PHKB: variants seen among roughly 807,000 people sequenced by gnomAD.
PHKB encodes phosphorylase b kinase regulatory subunit beta.
Under a neutral mutation model 152.1 loss-of-function variants are expected in PHKB, and 122 were observed. The ratio of observed to expected loss-of-function variants is 0.80; its 90% CI spans 0.69 to 0.93. The LOEUF (loss-of-function observed/expected upper bound fraction) is 0.93, where lower values mean the gene tolerates loss of function less well. Ranked by LOEUF, PHKB falls within the 40% of genes least tolerant of loss-of-function variation. The pLI is 0.00. For synonymous variants in PHKB, 436 were observed against 464.9 expected (o/e 0.94, Z 0.80); for missense variants, 1,304 against 1,328.4 (o/e 0.98, Z 0.29).
intron 7 of PHKB, chr16:47,565,659 G>T: frequency 8.1e-7 from 1 of 1,227,986 alleles, no homozygotes; most frequent in South Asian, 1.2e-5. Context: ...TCCTGTCCTC[G>T]ACCATCCCTG....
intron 8 of PHKB, among the ~76,000 whole-genome samples, chr16:47,581,456 G>C (rs554491682): frequency 1.4e-4 from 22 of 152,210 alleles, no homozygotes; most frequent in Non-Finnish European, 2.2e-4. Context: ...TTAAAGAATG[G>C]CATTATATTA....
chr16:47,669,153 T>A (rs1973590912), intron 25 of PHKB, 62 bp from the exon 26 acceptor site: 3 of 1,319,406 alleles, frequency 2.3e-6, no homozygotes, highest in Non-Finnish European at 3.3e-6. Context: ...GCCTTGATTT[T>A]TTTTTAATTT....
chr16:47,461,395 C>T lies in PHKB; in HGVS notation c.45C>T (p.Val15=), dbSNP rs573650598. Residue 15 remains valine, a synonymous_variant, in exon 1 of 31, where the codon GTC becomes GTT. Transcript: ENST00000323584. ...TCACGGCAGAAGTGAGCTGGAAGGTCTTGGAGCGAAGAGCTCGGACCAAGC... is the reference window on the plus strand; with the variant it reads ...TCACGGCAGAAGTGAGCTGGAAGGTTTTGGAGCGAAGAGCTCGGACCAAGC... ...AGLTAEVSWK[V]LERRARTKRS... is the part of the protein sequence containing the mutation. 26 of 1,613,232 alleles carry T rather than the reference C, an allele frequency of 1.6e-5. No individual in the cohort carries two copies. The South Asian group carries it at 2.5e-4, about 16-fold the overall frequency.
rs1408977143 is a variant in PHKB, at chr16:47,588,917, GCCCTGC to G, written c.884_889del (p.Ala295_Leu297delinsVal). ...TCATTGCCTCCAGAATACAGATGCTGCCCTGCTCCCCTGCATCAGTTATCCTGCATT... is the reference window on the plus strand; with the variant it reads ...TCATTGCCTCCAGAATACAGATGCTGTCCCCTGCATCAGTTATCCTGCATT... On this transcript the variant is annotated inframe_deletion, in exon 10 of 31. Coordinates refer to ENST00000323584, the MANE Select transcript of PHKB (RefSeq NM_000293.3). 3 of 1,613,618 alleles carry G rather than the reference GCCCTGC, an allele frequency of 1.9e-6. No homozygotes were observed. Among genetic ancestry groups the G allele is most frequent in the Non-Finnish European group, 2.5e-6 (3 of 1,179,650 alleles).
chr16:47,624,157 A>C lies in PHKB; in HGVS notation c.1458+13237A>C, dbSNP rs1396907640. On this transcript the variant is annotated intron_variant, in intron 14 of 30. Transcript: ENST00000323584. ...GTTCTCCTCATTTATTTCTGTGAGCATCTTTATTGTTTCCCCAACCTTATT... is the reference window on the plus strand; with the variant it reads ...GTTCTCCTCATTTATTTCTGTGAGCCTCTTTATTGTTTCCCCAACCTTATT... 3.3e-5 allele frequency among the ~76,000 whole-genome samples: 5 copies of C among 152,164 alleles called. No homozygotes were observed. The East Asian group carries it at 7.7e-4, about 23-fold the overall frequency.
intron 14 of PHKB, among the ~76,000 whole-genome samples, chr16:47,617,258 TA>T (rs2151712725): frequency 6.8e-6 from 1 of 148,040 alleles, no homozygotes; most frequent in African/African-American, 2.4e-5. Flanking sequence ...TATTTATATA[TA>T]ATATAAATTT....
In PHKB at chr16:47,680,585, GT is replaced by G. The variant is rs1414917243; in HGVS notation, c.2631-8453del. Among the ~76,000 whole-genome samples, 2 of 152,150 alleles carry G rather than the reference GT, an allele frequency of 1.3e-5. 1 individual carries two copies. Among genetic ancestry groups the G allele is most frequent in the Non-Finnish European group, 2.9e-5 (2 of 68,036 alleles). ...GTGTTTATAGTATTCTCTGATGGTAGTTTGTATTTCTGTGGGATCGGTGGTG... is the reference window on the plus strand; with the variant it reads ...GTGTTTATAGTATTCTCTGATGGTAGTTGTATTTCTGTGGGATCGGTGGTG... On this transcript the variant is annotated intron_variant, in intron 26 of 30. Transcript: ENST00000323584.
At chr16:47,691,688 G>T (rs1238505435) in intron 27 of PHKB, among the ~76,000 whole-genome samples, 1 of 148,998 alleles carries the variant, frequency 6.7e-6, no homozygotes, top group African/African-American at 2.5e-5. Context: ...CAGTGATAGA[G>T]TCAGATCCTG....
At chr16:47,696,734 G>A (rs1974155257) in intron 29 of PHKB, among the ~76,000 whole-genome samples, 1 of 152,140 alleles carries the variant, frequency 6.6e-6, no homozygotes, top group Admixed American at 6.5e-5. Context: ...GCTCCTCCAG[G>A]AAGGGAGAAC....
intron 7 of PHKB, among the ~76,000 whole-genome samples, chr16:47,555,352 C>T (rs948993983): frequency 6.6e-6 from 1 of 152,174 alleles, no homozygotes; most frequent in African/African-American, 2.4e-5. Context: ...TGTTAATGAA[C>T]AGAAGATTGT....
intron 23 of PHKB, 121 bp downstream of exon 23, chr16:47,661,921 T>C: frequency 1.3e-6 from 1 of 743,256 alleles, no homozygotes; most frequent in Non-Finnish European, 2.4e-6. Flanking sequence ...TTAAACCTTC[T>C]TTTTCACTTT....
intron 7 of PHKB, among the ~76,000 whole-genome samples, chr16:47,574,402 A>G (rs773736571): frequency 9.2e-5 from 14 of 152,166 alleles, no homozygotes; most frequent in Non-Finnish European, 1.8e-4. Context: ...CAGCTTTCAA[A>G]GTGTCTGAAG....
chr16:47,678,277 A>G (rs1038279840), intron 26 of PHKB, among the ~76,000 whole-genome samples: 8 of 152,202 alleles, frequency 5.3e-5, no homozygotes, highest in Admixed American at 2.6e-4. Context: ...TCCTTTGGGT[A>G]TATACCCAGT....
intron 7 of PHKB, among the ~76,000 whole-genome samples, chr16:47,554,591 G>A (rs772917301): frequency 1.5e-4 from 23 of 152,112 alleles, no homozygotes; most frequent in Admixed American, 5.9e-4. Flanking sequence ...AGCTAGCTCG[G>A]TGTCTTCCCA....
At chr16:47,509,692 G>A (rs1382632541) in intron 4 of PHKB, among the ~76,000 whole-genome samples, 1 of 152,096 alleles carries the variant, frequency 6.6e-6, no homozygotes, top group Non-Finnish European at 1.5e-5. Flanking sequence ...ATGTTGGACA[G>A]CATAGCTTCT....
intron 7 of PHKB, among the ~76,000 whole-genome samples, chr16:47,560,785 A>G (rs1052486952): frequency 3.9e-5 from 6 of 152,216 alleles, no homozygotes; most frequent in African/African-American, 4.8e-5. Context: ...ACCTATACCT[A>G]TATGTAAGAG....
At chr16:47,473,867 C>T (rs1203678063) in intron 1 of PHKB, among the ~76,000 whole-genome samples, 4 of 152,022 alleles carry the variant, frequency 2.6e-5, no homozygotes, top group East Asian at 1.9e-4. Flanking sequence ...ACTATTTTTT[C>T]GTAATGAAAA....
chr16:47,468,570 T>G (rs890397173), intron 1 of PHKB, among the ~76,000 whole-genome samples: 1 of 152,238 alleles, frequency 6.6e-6, no homozygotes, highest in Non-Finnish European at 1.5e-5. Context: ...GAAGAATCGC[T>G]TGAACCCAGG....
At chr16:47,499,083 TTAAG>T (rs1236969852) in intron 2 of PHKB, among the ~76,000 whole-genome samples, 1 of 152,256 alleles carries the variant, frequency 6.6e-6, no homozygotes, top group Non-Finnish European at 1.5e-5. Flanking sequence ...AATTTCAGAC[TTAAG>T]TAAAATGTTC....
Sources: gnomAD v4.1 joint callset for allele counts (sites outside exome capture counted in the v4.1 genomes callset) on GRCh38, gnomAD v4.1.1 for gene constraint, MANE v1.5 for transcripts, NCBI Gene and HGNC (gene_info 2026-07-23, HGNC 2026-07-21) for gene names.